TTBK2: variants seen among roughly 807,000 people sequenced by gnomAD.
The protein encoded by TTBK2 is tau-tubulin kinase 2.
In TTBK2, 28 loss-of-function variants were observed where a neutral mutation model predicts 110.8. The observed-to-expected ratio is 0.25, with a 90% confidence interval of 0.19 to 0.35. The LOEUF is 0.35. Among genes scored for constraint, TTBK2 ranks in the 10% least tolerant of loss-of-function variants. TTBK2 has a pLI of 1.00. For synonymous variants in TTBK2, 532 were observed against 527.3 expected (o/e 1.01, Z -0.12); for missense variants, 1,369 against 1,500.3 (o/e 0.91, Z 1.45).
At chr15:42,769,848 G>GAACC (rs1889580437) in intron 13 of TTBK2, among the ~76,000 whole-genome samples, 2 of 151,528 alleles carry the variant, frequency 1.3e-5, no homozygotes, top group Admixed American at 1.3e-4. Context: ...AGCAGACTTG[G>GAACC]AACCCAAATG....
intron 3 of TTBK2, among the ~76,000 whole-genome samples, chr15:42,872,049 A>G (rs537729224): frequency 3.3e-5 from 5 of 152,350 alleles, no homozygotes; most frequent in Admixed American, 3.3e-4. Context: ...GTCAGAAAAA[A>G]AATTATTCAT....
chr15:42,894,523 G>A (rs762261411), intron 1 of TTBK2, among the ~76,000 whole-genome samples: 15 of 152,236 alleles, frequency 9.9e-5, no homozygotes, highest in Middle Eastern at 3.4e-3. Context: ...AGGCGAAGGC[G>A]GGTGGATTTC....
At chr15:42,851,172 C>T (rs1278799585) in intron 3 of TTBK2, among the ~76,000 whole-genome samples, 9 of 151,094 alleles carry the variant, frequency 6.0e-5, no homozygotes, top group East Asian at 3.9e-4. Context: ...GGCATGAACC[C>T]GGGAGGCGGA....
At chr15:42,818,073 T>C (rs1236544100) in intron 6 of TTBK2, among the ~76,000 whole-genome samples, 1 of 152,184 alleles carries the variant, frequency 6.6e-6, no homozygotes, top group Non-Finnish European at 1.5e-5. Context: ...TGCCCATTTG[T>C]TTAGATTTTA....
chr15:42,743,956 C>T lies in TTBK2; in HGVS notation c.*1839G>A, dbSNP rs1203831834. On this transcript the variant is annotated 3_prime_UTR_variant, in exon 15 of 15. Transcript: ENST00000267890. ...ACAAATGGAGAATGACAAAGAATGA[C>T]TCTATATAAGGATATGTCTCTCTAT... 6.6e-6 allele frequency: 1 copy of T among 150,996 alleles called. No homozygotes were observed. The highest frequency in any genetic ancestry group is 6.6e-5 in the Admixed American group (1 of 15,218). The allele number at this position is 150,996 out of a possible 1,614,324, so 9.4% of individuals were successfully genotyped here. A position where few individuals can be genotyped will look rare whatever the true frequency, so the allele number is the denominator to read the frequency against.
chr15:42,912,378 TA>T (rs2141213793), intron 1 of TTBK2, among the ~76,000 whole-genome samples: 1 of 152,334 alleles, frequency 6.6e-6, no homozygotes, highest in Non-Finnish European at 1.5e-5. Flanking sequence ...ATTCACCAAA[TA>T]GCAGTTTTAT....
At chr15:42,769,951 A>G (rs542558259) in intron 13 of TTBK2, among the ~76,000 whole-genome samples, 2 of 152,306 alleles carry the variant, frequency 1.3e-5, no homozygotes, top group East Asian at 3.9e-4. Flanking sequence ...TGTCCTTTGC[A>G]GGGACGTGGA....
At chr15:42,747,981 A>G (rs1308535308) in intron 14 of TTBK2, among the ~76,000 whole-genome samples, 1 of 152,210 alleles carries the variant, frequency 6.6e-6, no homozygotes, top group Non-Finnish European at 1.5e-5. Flanking sequence ...GGAAATTACT[A>G]CCTTTTAAAA....
chr15:42,855,098 A>G (rs895274487), intron 3 of TTBK2: 1 of 152,162 alleles, frequency 6.6e-6, no homozygotes, highest in African/African-American at 2.4e-5. Flanking sequence ...TATTTTTGAG[A>G]TAGAGTCTCA....
At position 42,878,633 on chromosome 15, in the gene TTBK2, T is replaced by C. The variant is rs1045510735; in HGVS notation, c.-16A>G. On this transcript the variant is annotated 5_prime_UTR_variant, in exon 2 of 15. Transcript: ENST00000267890. ...CCCCACTCATTGCAATACACTGATA[T>C]GGTAGAACAGCTACACAGGCATCCA... 2.5e-6 allele frequency: 4 copies of C among 1,613,704 alleles called. No individual in the cohort carries two copies. Among genetic ancestry groups the C allele is most frequent in the East Asian group, 2.2e-5 (1 of 44,850 alleles).
chr15:42,891,705 A>AT (rs1345319816), intron 1 of TTBK2, among the ~76,000 whole-genome samples: 2 of 152,104 alleles, frequency 1.3e-5, no homozygotes, highest in Non-Finnish European at 2.9e-5. Context: ...TGTATCCTTT[A>AT]TAATAAAAAG....
rs994439769 is a variant in TTBK2, at chr15:42,775,701, T to C, written c.1432A>G (p.Thr478Ala). 3 of 1,612,644 alleles carry C rather than the reference T, an allele frequency of 1.9e-6. No individual in the cohort carries two copies. The African/African-American group carries it at 4.0e-5, about 21-fold the overall frequency. Reference protein sequence around the residue: ...ETCLEKMQKDTSAGKESILPA... With the variant: ...ETCLEKMQKDASAGKESILPA... ...AGAATAGATTCTTTTCCTGCACTGGTATCTTTCTGCATTTTCTCCAGGCTT... is the reference window on the plus strand; with the variant it reads ...AGAATAGATTCTTTTCCTGCACTGGCATCTTTCTGCATTTTCTCCAGGCTT... The change falls in exon 13 of 15, where the codon ACC (threonine) becomes GCC (alanine). Residue 478 changes from threonine (T) to alanine (A), a missense_variant. Coordinates refer to ENST00000267890, the MANE Select transcript of TTBK2 (RefSeq NM_173500.4).
At position 42,753,037 on chromosome 15, in the gene TTBK2, T is replaced by C. The variant is rs776707830; in HGVS notation, c.2209A>G (p.Ile737Val). ...RTDLGLQIDH[I>V]GHDMLPNIRE... ...ATGTTGGGTAACATGTCATGACCAA[T>C]GTGATCTATCTGAAGCCCCAAATCT... Residue 737 changes from isoleucine to valine, a missense_variant, in exon 14 of 15, where the codon ATT becomes GTT. Physicochemically the swap from Ile to Val is conservative, Grantham distance 29. Coordinates refer to ENST00000267890, the MANE Select transcript of TTBK2 (RefSeq NM_173500.4). 1.1e-5 allele frequency: 18 copies of C among 1,613,980 alleles called. No homozygotes were observed. Among genetic ancestry groups the C allele is most frequent in the East Asian group, 2.2e-5 (1 of 44,884 alleles).
chr15:42,801,965 G>A, intron 9 of TTBK2: 1 of 1,577,574 alleles, frequency 6.3e-7, no homozygotes, highest in Non-Finnish European at 8.6e-7. Flanking sequence ...GTCTCCAGCT[G>A]CCACTTAAGG....
rs150075496 is a variant in TTBK2 at position 42,789,303 on chromosome 15, G to GTGTGTA, written c.980+5340_980+5341insTACACA. On this transcript the variant is annotated intron_variant, in intron 10 of 14. Transcript: ENST00000267890. ...TTAAAATATATATACGTGTGTGTGT[G>GTGTGTA]TATATATATATATATGTTTTTTGTT... is the stretch of plus-strand genomic sequence containing the variant. Among the ~76,000 whole-genome samples, 30 of 149,844 alleles carry GTGTGTA rather than the reference G, an allele frequency of 2.0e-4. No homozygotes were observed. In the East Asian group the frequency reaches 3.5e-3, roughly 18 times the overall value.
intron 8 of TTBK2, 109 bp from the exon 9 acceptor site, chr15:42,810,848 G>C: frequency 7.8e-7 from 1 of 1,286,664 alleles, no homozygotes. Flanking sequence ...GAGATAGTGG[G>C]TAATTAAGCA....
At chr15:42,751,867 G>A in intron 14 of TTBK2, 107 bp downstream of exon 14, 1 of 1,365,944 alleles carries the variant, frequency 7.3e-7, no homozygotes, top group Non-Finnish European at 1.0e-6. Flanking sequence ...AGGAAAGAAA[G>A]ATACTGAGAA....
At position 42,919,708 on chromosome 15, in the gene TTBK2, C is replaced by T; in HGVS notation, c.-68+730G>A. 5.8e-6 allele frequency: 4 copies of T among 684,708 alleles called. No individual in the cohort carries two copies. The South Asian group carries it at 2.6e-4, about 45-fold the overall frequency. The allele number at this position is 684,708 out of a possible 1,614,324, so 42.4% of individuals were successfully genotyped here. ...AGAAGAGTTAATACCAGGATTGCTG[C>T]TACCCATCAACTTTAATTCAAAGCA... On this transcript the variant is annotated intron_variant, in intron 1 of 14. Transcript: ENST00000267890.
At chr15:42,806,454 A>C (rs1004397218) in intron 9 of TTBK2, among the ~76,000 whole-genome samples, 1 of 152,206 alleles carries the variant, frequency 6.6e-6, no homozygotes, top group African/African-American at 2.4e-5. Context: ...TAACACTTCC[A>C]ACGCTTTGTG....
Sources: gnomAD v4.1 joint callset for allele counts (sites outside exome capture counted in the v4.1 genomes callset) on GRCh38, gnomAD v4.1.1 for gene constraint, MANE v1.5 for transcripts, NCBI Gene and HGNC (gene_info 2026-07-23, HGNC 2026-07-21) for gene names.